Variants in BPIFB2 observed in about 807,000 individuals in gnomAD.
BPIFB2 encodes BPI fold-containing family B member 2.
In BPIFB2, 39 loss-of-function variants were observed where a neutral mutation model predicts 50.1. The observed-to-expected ratio is 0.78, with a 90% CI of 0.60 to 1.02. BPIFB2 has a LOEUF of 1.02. Among genes scored for constraint, BPIFB2 ranks in the 50% least tolerant of loss-of-function variants. BPIFB2 has a pLI of 0.00. For missense variants in BPIFB2, 574 were observed against 585.8 expected (o/e 0.98, Z 0.21); for synonymous variants, 280 against 256.3 (o/e 1.09, Z -0.88).
In BPIFB2 at chr20:33,020,393, G is replaced by A. The variant is rs1309300858; in HGVS notation, c.1146G>A (p.Leu382=). 1 of 1,613,970 alleles carries A rather than the reference G, an allele frequency of 6.2e-7. No homozygotes were observed. The highest frequency in any genetic ancestry group is 8.5e-7 in the Non-Finnish European group (1 of 1,179,978). ...KVKLQGTTSV[L]GDVQLTVASS... ...AGCTTCAGGGGACCACGTCTGTGCT[G>A]GGGTAAACGAGCCCACCTGGACCCA... The change falls in exon 12 of 16, where the codon CTG becomes CTA. Residue 382 remains leucine (L), a splice_region_variant and synonymous_variant. Transcript: ENST00000170150.
chr20:33,022,788 C>T (rs1378910310), intron 15 of BPIFB2, among the ~76,000 whole-genome samples: 1 of 152,200 alleles, frequency 6.6e-6, no homozygotes, highest in Non-Finnish European at 1.5e-5. Flanking sequence ...TTAGCCATAG[C>T]CACTAATTGT....
rs201501274 is a variant in BPIFB2, at chr20:33,008,650, G to A, written c.76G>A (p.Val26Met). 380 of 1,607,252 alleles carry A rather than the reference G, an allele frequency of 2.4e-4. 2 individuals carry two copies. The South Asian group carries it at 3.4e-3, about 15-fold the overall frequency. The change falls in exon 2 of 16, where the codon GTG becomes ATG. Residue 26 changes from valine (V) to methionine (M), a missense_variant. Coordinates refer to ENST00000170150, the MANE Select transcript of BPIFB2 (RefSeq NM_025227.3). ...GGTCGGTGCCTCCACGCCAGGCACCGTGGTCCGACTCAACAAGGCAGCATT... is the reference window on the plus strand; with the variant it reads ...GGTCGGTGCCTCCACGCCAGGCACCATGGTCCGACTCAACAAGGCAGCATT... ...PVVGASTPGT[V>M]VRLNKAALSY... is the part of the protein sequence containing the mutation.
chr20:33,016,964 C>A, intron 6 of BPIFB2, 78 bp from the exon 7 acceptor site: 1 of 1,365,276 alleles, frequency 7.3e-7, no homozygotes, highest in Non-Finnish European at 1.0e-6. Context: ...GACAGGGACT[C>A]TAGACCCCTC....
rs758404967 is a variant in BPIFB2, at chr20:33,008,702, A to G, written c.109+19A>G. ...AGCTACGGTAAGCGGTGTGTTACCC[A>G]GTGAGTGTCTGTGAGCCTGTACATG... On this transcript the variant is annotated intron_variant, in intron 2 of 15. Coordinates refer to ENST00000170150, the MANE Select transcript of BPIFB2 (RefSeq NM_025227.3). The G allele has an allele frequency of 1.9e-6, 3 of 1,571,460 alleles. No individual in the cohort carries two copies. The highest frequency in any genetic ancestry group is 2.6e-6 in the Non-Finnish European group (3 of 1,154,614).
chr20:33,021,479 C>T (rs530894656), intron 14 of BPIFB2, 135 bp downstream of exon 14: 2 of 1,054,186 alleles, frequency 1.9e-6, no homozygotes, highest in East Asian at 2.6e-5. Flanking sequence ...GTCTAGCAGC[C>T]CATGTGTGCA....
In BPIFB2 at chr20:33,021,722, G is replaced by T. The variant is rs375089023; in HGVS notation, c.1259-1G>T. The T allele has an allele frequency of 6.2e-7, 1 of 1,614,102 alleles. No homozygotes were observed. Among genetic ancestry groups the T allele is most frequent in the Non-Finnish European group, 8.5e-7 (1 of 1,179,934 alleles). On this transcript the variant is annotated splice_acceptor_variant, in intron 14 of 15. Transcript: ENST00000170150. LOFTEE classifies it high-confidence loss of function. ...GATCCTTTCTTCTTTCTCGCCTGCA[G>T]CTCTCTTGGCCATGGGAATTGCCCT... is the stretch of plus-strand genomic sequence containing the variant.
chr20:33,014,794 C>A (rs544098788), intron 5 of BPIFB2, among the ~76,000 whole-genome samples: 1 of 152,340 alleles, frequency 6.6e-6, no homozygotes, highest in African/African-American at 2.4e-5. Flanking sequence ...GTGTGACTCA[C>A]GACCCCTCAC....
intron 2 of BPIFB2, among the ~76,000 whole-genome samples, chr20:33,010,650 G>A (rs1444178821): frequency 6.6e-6 from 1 of 152,058 alleles, no homozygotes. Flanking sequence ...TCCACAGCAG[G>A]CCAGGGATGA....
chr20:33,014,355 C>T (rs1031226594), intron 5 of BPIFB2, among the ~76,000 whole-genome samples: 1 of 152,188 alleles, frequency 6.6e-6, no homozygotes, highest in African/African-American at 2.4e-5. Flanking sequence ...CAGGCCAGGC[C>T]GCTCCCTTCT....
chr20:33,008,447 G>T, intron 1 of BPIFB2, 94 bp from the exon 2 acceptor site: 1 of 659,722 alleles, frequency 1.5e-6, no homozygotes, highest in East Asian at 3.0e-5. Context: ...GGGATCACCA[G>T]TCAGGGCTTG....
rs765832346 is a variant in BPIFB2, at chr20:33,013,887, C to A, written c.386C>A (p.Thr129Asn). Residue 129 changes from threonine (T) to asparagine (N), a missense_variant, in exon 5 of 16, where the codon ACC (threonine) becomes AAC (asparagine). Transcript: ENST00000170150. ...CGCGTGACCCAGAGCTCCATCAGGA[C>A]CCCTGTGGTCAGCATCTCTGCCTGC... ...DTRVTQSSIR[T>N]PVVSISACSL... The A allele has an allele frequency of 6.8e-6, 11 of 1,614,050 alleles. 1 individual carries two copies. In the South Asian group the frequency reaches 1.2e-4, roughly 18 times the overall value.
At chr20:33,018,485 G>A (rs1568978635) in intron 8 of BPIFB2, 135 bp downstream of exon 8, 1 of 1,285,146 alleles carries the variant, frequency 7.8e-7, no homozygotes, top group Non-Finnish European at 1.1e-6. Context: ...CCGGGAGCAT[G>A]CCACACAGGC....
chr20:33,023,262 C>T, intron 15 of BPIFB2, 80 bp from the exon 16 acceptor site: 1 of 1,428,054 alleles, frequency 7.0e-7, no homozygotes, highest in Non-Finnish European at 9.9e-7. Context: ...CAGAGCAGAA[C>T]TCAGAGCCAG....
Position 33,019,074 on chromosome 20 carries a change from A to T in BPIFB2, c.868A>T (p.Asn290Tyr), listed in dbSNP as rs1296805935. ...GTGCTGATTTCAGAGGTCGGATGAC[A>T]ACCTGCTGAACACCTCTGCTCTGGG... ...DITGQLRSDD[N>Y]LLNTSALGRL... The change falls in exon 10 of 16, where the codon AAC becomes TAC. Residue 290 changes from asparagine to tyrosine, a missense_variant. By Grantham distance (143) the Asn-to-Tyr change is moderately radical (BLOSUM62 -2). Transcript: ENST00000170150. The T allele has an allele frequency of 6.2e-7, 1 of 1,614,094 alleles. No individual in the cohort carries two copies. Among genetic ancestry groups the T allele is most frequent in the Non-Finnish European group, 8.5e-7 (1 of 1,180,008 alleles).
chr20:33,018,746 C>T lies in BPIFB2; in HGVS notation c.779C>T (p.Ser260Phe), dbSNP rs1028323471. 43 of 1,614,132 alleles carry T rather than the reference C, an allele frequency of 2.7e-5. No individual in the cohort carries two copies. Among genetic ancestry groups the T allele is most frequent in the Non-Finnish European group, 3.6e-5 (42 of 1,180,054 alleles). The change falls in exon 9 of 16, where the codon TCC (serine) becomes TTC (phenylalanine). Residue 260 changes from serine to phenylalanine, a missense_variant. By Grantham distance (155) the Ser-to-Phe change is radical. Transcript: ENST00000170150. ...TEGSMATVGL[S>F]QQLFDSALLL... Reference sequence around the variant, plus strand: ...GGCTCCATGGCCACCGTGGGCCTCTCCCAGCAGCTGTTTGACTCTGCGCTC... The same window carrying T: ...GGCTCCATGGCCACCGTGGGCCTCTTCCAGCAGCTGTTTGACTCTGCGCTC...
chr20:33,008,286 G>A (rs1345802436), intron 1 of BPIFB2, among the ~76,000 whole-genome samples: 1 of 152,176 alleles, frequency 6.6e-6, no homozygotes, highest in African/African-American at 2.4e-5. Flanking sequence ...AGTCCACTGT[G>A]TGGCCCTAGG....
rs1978449622 is a variant in BPIFB2 at position 33,016,900 on chromosome 20, T to A, written c.517-142T>A. The A allele has an allele frequency of 1.1e-5, 8 of 703,420 alleles. No individual in the cohort carries two copies. The Admixed American group carries it at 2.0e-4, about 17-fold the overall frequency. 43.6% of individuals were successfully genotyped at this position (703,420 alleles called of 1,614,324 possible). Reference sequence around the variant, plus strand: ...GGAAGGGGTCCCAGGAGATGCCCACTGGCGGGTGGAGGAAGGGATTCCAGG... The same window carrying A: ...GGAAGGGGTCCCAGGAGATGCCCACAGGCGGGTGGAGGAAGGGATTCCAGG... On this transcript the variant is annotated intron_variant, in intron 6 of 15. Transcript: ENST00000170150.
chr20:33,021,391 T>C, intron 14 of BPIFB2, 47 bp downstream of exon 14: 1 of 1,564,434 alleles, frequency 6.4e-7, no homozygotes, highest in Non-Finnish European at 8.7e-7. Context: ...GCCCCCTCCA[T>C]ATCCCACATC....
intron 6 of BPIFB2, 77 bp from the exon 7 acceptor site, chr20:33,016,965 T>A: frequency 7.3e-7 from 1 of 1,371,866 alleles, no homozygotes; most frequent in Non-Finnish European, 1.0e-6. Context: ...ACAGGGACTC[T>A]AGACCCCTCT....
Sources: allele counts gnomAD v4.1 joint callset (sites outside exome capture counted in the v4.1 genomes callset), GRCh38; gene constraint gnomAD v4.1.1; transcripts MANE v1.5; gene names NCBI Gene and HGNC (gene_info 2026-07-23, HGNC 2026-07-21).